PLCB4: variants seen among roughly 807,000 people sequenced by gnomAD.
PLCB4 encodes 1-phosphatidylinositol 4,5-bisphosphate phosphodiesterase beta-4.
In PLCB4, 77 loss-of-function variants were observed where a neutral mutation model predicts 178.8. That is an observed-to-expected ratio of 0.43 (90% CI 0.36 to 0.52). The LOEUF is 0.52. Ranked by LOEUF, PLCB4 falls within the 20% of genes least tolerant of loss-of-function variation. The pLI is 0.00. For missense variants in PLCB4, 1,024 were observed against 1,453.4 expected (o/e 0.70, Z 4.80); for synonymous variants, 496 against 490.8 (o/e 1.01, Z -0.14).
chr20:9,226,949 C>G (rs2093873134), intron 3 of PLCB4, among the ~76,000 whole-genome samples: 1 of 152,062 alleles, frequency 6.6e-6, no homozygotes, highest in Non-Finnish European at 1.5e-5. Flanking sequence ...TCTTTCCATC[C>G]TCACCAACAC....
chr20:9,224,948 T>C (rs1363974842), intron 3 of PLCB4, among the ~76,000 whole-genome samples: 4 of 152,220 alleles, frequency 2.6e-5, no homozygotes, highest in Admixed American at 6.5e-5. Flanking sequence ...ACTTGCTTTC[T>C]TTTCCCTCCT....
chr20:9,293,555 G>C (rs1568536654), intron 3 of PLCB4, among the ~76,000 whole-genome samples: 1 of 152,154 alleles, frequency 6.6e-6, no homozygotes, highest in Non-Finnish European at 1.5e-5. Context: ...TGTAAGAGAA[G>C]AGTCCATTGT....
chr20:9,446,898 AAAC>A (rs374424140), intron 32 of PLCB4, among the ~76,000 whole-genome samples: 1 of 152,134 alleles, frequency 6.6e-6, no homozygotes, highest in Admixed American at 6.5e-5. Flanking sequence ...AAAACAGAAC[AAAC>A]AACAACAACA....
In PLCB4 at chr20:9,244,754, A is replaced by G. The variant is rs145204898; in HGVS notation, c.-16+27302A>G. On this transcript the variant is annotated intron_variant, in intron 3 of 39. Coordinates refer to ENST00000378473, the MANE Select transcript of PLCB4 (RefSeq NM_001377142.1). ...AATGAAGTTCCCTTTTGAATTTGCA[A>G]TAAATAGTAGGCACCCAATTTTGCA... 4.0e-3 allele frequency among the ~76,000 whole-genome samples: 606 copies of G among 152,346 alleles called. 4 individuals carry two copies. The highest frequency in any genetic ancestry group is 0.014 in the African/African-American group (589 of 41,582).
intron 1 of PLCB4, among the ~76,000 whole-genome samples, chr20:9,073,177 A>G (rs761481275): frequency 1.3e-5 from 2 of 152,198 alleles, no homozygotes; most frequent in East Asian, 1.9e-4. Context: ...GCTCCCAGAC[A>G]TGAGTGAATT....
rs368528380 is a variant in PLCB4 at position 9,095,150 on chromosome 20, G to T, written c.-134-1137G>T. Among the ~76,000 whole-genome samples the T allele has an allele frequency of 3.9e-5, 6 of 152,200 alleles. No individual in the cohort carries two copies. In the East Asian group the frequency reaches 9.6e-4, roughly 24 times the overall value. The stretch of plus-strand genomic sequence containing the variant: ...TTGGCTATTTGCAGACATGGACATG[G>T]TTGCAGGGTTCACGATCCTTTCAGT... On this transcript the variant is annotated intron_variant, in intron 1 of 39. Coordinates refer to ENST00000378473, the MANE Select transcript of PLCB4 (RefSeq NM_001377142.1).
rs1380624719 is a variant in PLCB4, at chr20:9,479,483, A to T, written c.*474A>T. On this transcript the variant is annotated 3_prime_UTR_variant, in exon 40 of 40. Transcript: ENST00000378473. ...TCTGCTAGACAAATAATTTTGCAAAATTTTTCTACATCTAAGTTACCTCAT... is the reference window on the plus strand; with the variant it reads ...TCTGCTAGACAAATAATTTTGCAAATTTTTTCTACATCTAAGTTACCTCAT... 6.4e-6 allele frequency: 1 copy of T among 155,794 alleles called. No individual in the cohort carries two copies. Among genetic ancestry groups the T allele is most frequent in the Admixed American group, 6.3e-5 (1 of 15,850 alleles). The allele number at this position is 155,794 out of a possible 1,614,324, so 9.7% of individuals were successfully genotyped here.
chr20:9,207,720 T>C (rs1250561459), intron 2 of PLCB4, among the ~76,000 whole-genome samples: 5 of 152,236 alleles, frequency 3.3e-5, no homozygotes, highest in Admixed American at 3.3e-4. Context: ...GATCCAATCA[T>C]GTTTCTTACT....
intron 4 of PLCB4, among the ~76,000 whole-genome samples, chr20:9,327,386 G>GGACAACATAGCGAAACTCTGTGTCTA (rs2030806286): frequency 6.6e-6 from 1 of 151,126 alleles, no homozygotes; most frequent in African/African-American, 2.5e-5. Context: ...GTTTGAGGCT[G>GGACAACATAGCGAAACTCTGTGTCTA]CGGTGCTATG....
intron 2 of PLCB4, among the ~76,000 whole-genome samples, chr20:9,116,446 A>G (rs2091781775): frequency 6.6e-6 from 1 of 152,278 alleles, no homozygotes; most frequent in South Asian, 2.1e-4. Context: ...ATCTGCAACC[A>G]TTTTGTCTGC....
At chr20:9,204,345 A>G (rs1305571508) in intron 2 of PLCB4, among the ~76,000 whole-genome samples, 1 of 151,762 alleles carries the variant, frequency 6.6e-6, no homozygotes, top group African/African-American at 2.4e-5. Context: ...TCCAGTCACT[A>G]TCCAAGCTCT....
intron 3 of PLCB4, among the ~76,000 whole-genome samples, chr20:9,230,909 C>A (rs1226121352): frequency 6.6e-6 from 1 of 152,082 alleles, no homozygotes; most frequent in Non-Finnish European, 1.5e-5. Context: ...AGGAAATAGA[C>A]CTTTTTAGGT....
intron 2 of PLCB4, among the ~76,000 whole-genome samples, chr20:9,114,797 T>C (rs1031529587): frequency 6.6e-6 from 1 of 152,176 alleles, no homozygotes; most frequent in Non-Finnish European, 1.5e-5. Flanking sequence ...CTAAGATGCC[T>C]GAGTAACGAC....
rs980994266 is a variant in PLCB4, at chr20:9,179,925, A to T, written c.-78-37465A>T. Among the ~76,000 whole-genome samples, 49 of 152,326 alleles carry T rather than the reference A, an allele frequency of 3.2e-4. 1 individual carries two copies. The highest frequency in any genetic ancestry group is 5.3e-4 in the Non-Finnish European group (36 of 68,032). On this transcript the variant is annotated intron_variant, in intron 2 of 39. Coordinates refer to ENST00000378473, the MANE Select transcript of PLCB4 (RefSeq NM_001377142.1). ...CAAAACACACCACTATCCCCATAAAATTCCTTCTCTGGTGAGAATGAGGGG... is the reference window on the plus strand; with the variant it reads ...CAAAACACACCACTATCCCCATAAATTTCCTTCTCTGGTGAGAATGAGGGG...
chr20:9,092,932 C>G (rs770751432), intron 1 of PLCB4, among the ~76,000 whole-genome samples: 2 of 152,078 alleles, frequency 1.3e-5, no homozygotes, highest in Non-Finnish European at 2.9e-5. Flanking sequence ...GAAAGCAAAT[C>G]GTTTCAGCTT....
chr20:9,471,019 A>G (rs1467643437), intron 36 of PLCB4, among the ~76,000 whole-genome samples: 1 of 152,262 alleles, frequency 6.6e-6, no homozygotes, highest in Non-Finnish European at 1.5e-5. Flanking sequence ...CATAGCACTA[A>G]GAAAGATACA....
rs2093466549 is a variant in PLCB4 at position 9,195,927 on chromosome 20, G to T, written c.-78-21463G>T. On this transcript the variant is annotated intron_variant, in intron 2 of 39. Coordinates refer to ENST00000378473, the MANE Select transcript of PLCB4 (RefSeq NM_001377142.1). ...AACCATGCCTGGGGAGGGGTGGACTGCTTTGAAAAACAAAGAGGTTTTGGA... is the reference window on the plus strand; with the variant it reads ...AACCATGCCTGGGGAGGGGTGGACTTCTTTGAAAAACAAAGAGGTTTTGGA... Among the ~76,000 whole-genome samples, 4 of 152,280 alleles carry T rather than the reference G, an allele frequency of 2.6e-5. No homozygotes were observed. In the South Asian group the frequency reaches 8.3e-4, roughly 32 times the overall value.
chr20:9,318,242 T>A (rs2327164), intron 4 of PLCB4, among the ~76,000 whole-genome samples: 1 of 151,704 alleles, frequency 6.6e-6, no homozygotes, highest in East Asian at 1.9e-4. Flanking sequence ...CAAGTCATCT[T>A]GTCCAAAGCT....
At chr20:9,266,757 T>A (rs899897315) in intron 3 of PLCB4, among the ~76,000 whole-genome samples, 1 of 152,180 alleles carries the variant, frequency 6.6e-6, no homozygotes, top group Non-Finnish European at 1.5e-5. Flanking sequence ...TATTGAGGGT[T>A]TGTTCTGTGG....
Sources: allele counts gnomAD v4.1 joint callset (sites outside exome capture counted in the v4.1 genomes callset), GRCh38; gene constraint gnomAD v4.1.1; transcripts MANE v1.5; gene names NCBI Gene and HGNC (gene_info 2026-07-23, HGNC 2026-07-21).